Variants in ZIC4 observed in about 807,000 individuals in gnomAD.
ZIC4 encodes Zic family zinc finger 4.
Under a neutral mutation model 28.8 loss-of-function variants are expected in ZIC4, and 15 were observed. The ratio of observed to expected loss-of-function variants is 0.52; its 90% CI spans 0.35 to 0.80. The LOEUF (loss-of-function observed/expected upper bound fraction) is 0.80, where lower values mean the gene tolerates loss of function less well. Ranked by LOEUF, ZIC4 falls within the 30% of genes least tolerant of loss-of-function variation. The pLI, the probability that ZIC4 is intolerant of heterozygous loss-of-function variation, is 0.01. For synonymous variants in ZIC4, 220 were observed against 198.1 expected (o/e 1.11, Z -0.93); for missense variants, 512 against 467.1 (o/e 1.10, Z -0.89).
chr3:147,401,300 GA>G (rs936926542), intron 2 of ZIC4, among the ~76,000 whole-genome samples: 7 of 150,060 alleles, frequency 4.7e-5, no homozygotes, highest in East Asian at 1.9e-4. Flanking sequence ...GCCTTGGAAA[GA>G]AAAAAAAATG....
At chr3:147,404,085 C>T (rs2087223777) in intron 1 of ZIC4, 3 of 1,537,012 alleles carry the variant, frequency 2.0e-6, no homozygotes, top group East Asian at 4.9e-5. Flanking sequence ...TGCATTCCTA[C>T]AGAAGGGCGG....
In ZIC4 at chr3:147,391,027, G is replaced by A. The variant is rs371227174; in HGVS notation, c.908C>T (p.Pro303Leu). The change falls in exon 4 of 5, where the codon CCG becomes CTG. Residue 303 changes from proline (P) to leucine (L), a missense_variant. Pro to Leu is a moderately conservative substitution (Grantham distance 98). Transcript: ENST00000383075. The part of the protein sequence containing the change: ...PPSSGYDSAT[P>L]SALVSPSSDC... ...CGACGAGGGCGACACGAGGGCAGAC[G>A]GTGTAGCCGAATCGTAGCCAGAGCT... 7.5e-5 allele frequency: 121 copies of A among 1,613,784 alleles called. No individual in the cohort carries two copies. The East Asian group carries it at 2.1e-3, about 29-fold the overall frequency.
intron 3 of ZIC4, chr3:147,393,506 C>G: frequency 5.1e-6 from 1 of 195,760 alleles, no homozygotes; most frequent in Non-Finnish European, 1.1e-5. Flanking sequence ...TCGGAGCGTC[C>G]TAGGCCCGGG....
At chr3:147,405,069 C>G (rs1270847743) in intron 1 of ZIC4, among the ~76,000 whole-genome samples, 1 of 152,244 alleles carries the variant, frequency 6.6e-6, no homozygotes, top group Non-Finnish European at 1.5e-5. Context: ...TTCTGGCTCC[C>G]CTCCATTCGA....
rs372506670 is a variant in ZIC4 at position 147,396,198 on chromosome 3, G to A, written c.342C>T (p.Gly114=). Residue 114 remains glycine (G), a synonymous_variant, in exon 3 of 5, where the codon GGC becomes GGT. Coordinates refer to ENST00000383075, the MANE Select transcript of ZIC4 (RefSeq NM_032153.6). This position sits in a 1 kb window ranked among gnomAD's most constrained non-coding sequence, Gnocchi z 4.2. The part of the protein sequence containing the change: ...TVNLAAPHGP[G]AFFRYMRQPI... ...GCTGGCGCATGTAGCGGAAGAAAGCGCCAGGACCGTGGGGCGCAGCGAGGT... is the reference window on the plus strand; with the variant it reads ...GCTGGCGCATGTAGCGGAAGAAAGCACCAGGACCGTGGGGCGCAGCGAGGT... 1 of 1,613,980 alleles carries A rather than the reference G, an allele frequency of 6.2e-7. No homozygotes were observed. The highest frequency in any genetic ancestry group is 1.3e-5 in the African/African-American group (1 of 74,936).
intron 2 of ZIC4, among the ~76,000 whole-genome samples, chr3:147,398,537 C>T (rs930006594): frequency 6.6e-6 from 1 of 152,052 alleles, no homozygotes; most frequent in African/African-American, 2.4e-5. Context: ...TGGGGGCGAG[C>T]GGTAGTCCTT....
intron 4 of ZIC4, 29 bp from the exon 5 acceptor site, chr3:147,388,888 C>T (rs1436990660): frequency 1.8e-5 from 14 of 779,040 alleles, no homozygotes; most frequent in Non-Finnish European, 3.1e-5. Context: ...AAATTAAAGG[C>T]GATTAGTGGC....
At chr3:147,394,630 G>A (rs1216010246) in intron 3 of ZIC4, among the ~76,000 whole-genome samples, 6 of 152,064 alleles carry the variant, frequency 3.9e-5, no homozygotes, top group Admixed American at 3.9e-4. Flanking sequence ...TAAAACCTCT[G>A]GTGAGGGGGT....
Position 147,391,028 on chromosome 3 carries a change from G to C in ZIC4, c.907C>G (p.Pro303Ala), listed in dbSNP as rs752817308. 1.9e-6 allele frequency: 3 copies of C among 1,613,808 alleles called. No individual in the cohort carries two copies. The highest frequency in any genetic ancestry group is 4.5e-5 in the East Asian group (2 of 44,872). Residue 303 changes from proline (P) to alanine (A), a missense_variant, in exon 4 of 5, where the codon CCG (proline) becomes GCG (alanine). Pro to Ala is a conservative substitution (Grantham distance 27). Coordinates refer to ENST00000383075, the MANE Select transcript of ZIC4 (RefSeq NM_032153.6). The stretch of plus-strand genomic sequence containing the variant: ...GACGAGGGCGACACGAGGGCAGACG[G>C]TGTAGCCGAATCGTAGCCAGAGCTG... ...PPSSGYDSATPSALVSPSSDC... is the reference protein window; with the variant it reads ...PPSSGYDSATASALVSPSSDC...
At chr3:147,404,733 G>A (rs749071003) in intron 1 of ZIC4, among the ~76,000 whole-genome samples, 5 of 152,222 alleles carry the variant, frequency 3.3e-5, no homozygotes, top group Non-Finnish European at 5.9e-5. Flanking sequence ...CCGGAGGAGA[G>A]CCAAGAAGGT....
rs1353590637 is a variant in ZIC4, at chr3:147,396,586, GA to G, written c.71-118del. Reference sequence around the variant, plus strand: ...ACTACGGCCTCTGCAGTCAGCCGTGGAACTCAGAGCCAGACAGCGCCAGCAG... The same window carrying G: ...ACTACGGCCTCTGCAGTCAGCCGTGGACTCAGAGCCAGACAGCGCCAGCAG... On this transcript the variant is annotated intron_variant, in intron 2 of 4. Transcript: ENST00000383075. This position sits in a 1 kb window ranked among gnomAD's most constrained non-coding sequence, Gnocchi z 4.2. 3.0e-6 allele frequency: 4 copies of G among 1,318,340 alleles called. No individual in the cohort carries two copies. In the African/African-American group the frequency reaches 5.9e-5, roughly 20 times the overall value. 81.7% of individuals were successfully genotyped at this position (1,318,340 alleles called of 1,614,324 possible). A position where few individuals can be genotyped will look rare whatever the true frequency, so the allele number is the denominator to read the frequency against.
chr3:147,401,163 A>G (rs2087158503), intron 2 of ZIC4, among the ~76,000 whole-genome samples: 2 of 152,128 alleles, frequency 1.3e-5, no homozygotes, highest in South Asian at 4.1e-4. Context: ...ACTTTTGCTC[A>G]CCTACCCAGA....
In ZIC4 at chr3:147,387,313, C is replaced by G. The variant is rs980887334; in HGVS notation, c.*1546G>C. Reference sequence around the variant, plus strand: ...TTTAAAAGAAGTTTGATTTTTATCTCTTTAGAAACGGTTTGAAACTAACGG... The same window carrying G: ...TTTAAAAGAAGTTTGATTTTTATCTGTTTAGAAACGGTTTGAAACTAACGG... On this transcript the variant is annotated 3_prime_UTR_variant, in exon 5 of 5. Transcript: ENST00000383075. The G allele has an allele frequency of 6.6e-6, 1 of 152,578 alleles. No homozygotes were observed. The highest frequency in any genetic ancestry group is 2.4e-5 in the African/African-American group (1 of 41,432). 9.5% of individuals were successfully genotyped at this position (152,578 alleles called of 1,614,324 possible). A position where few individuals can be genotyped will look rare whatever the true frequency, so the allele number is the denominator to read the frequency against.
intron 4 of ZIC4, 143 bp downstream of exon 4, chr3:147,390,788 A>T: frequency 1.8e-6 from 2 of 1,131,930 alleles, no homozygotes; most frequent in Non-Finnish European, 2.4e-6. Context: ...CCTACTCTGC[A>T]TTCGGTGTGT....
In ZIC4 at chr3:147,396,041, C is replaced by A. The variant is rs2087034421; in HGVS notation, c.499G>T (p.Glu167Ter). ...HVTVEHVGGP[E>*]QANHICFWEE... is the part of the protein sequence containing the mutation. Reference sequence around the variant, plus strand: ...CAGAAGCAAATGTGGTTGGCCTGTTCCGGGCCGCCGACGTGCTCCACGGTG... The same window carrying A: ...CAGAAGCAAATGTGGTTGGCCTGTTACGGGCCGCCGACGTGCTCCACGGTG... The change falls in exon 3 of 5, where the codon GAA becomes TAA. Residue 167 changes from glutamate (E) to a stop codon, truncating the protein, a stop_gained. Transcript: ENST00000383075. LOFTEE classifies it high-confidence loss of function. The surrounding 1 kb of genome is among the most constrained non-coding windows in gnomAD (Gnocchi z 4.2). 1.2e-6 allele frequency: 2 copies of A among 1,614,270 alleles called. No individual in the cohort carries two copies. Among genetic ancestry groups the A allele is most frequent in the Non-Finnish European group, 1.7e-6 (2 of 1,180,056 alleles).
In ZIC4 at chr3:147,396,523, C is replaced by T; in HGVS notation, c.71-54G>A. Reference sequence around the variant, plus strand: ...GAACGGGTGGCGTGGGCTGCGCGCTCTTCCCTGGGCCCCGGGGGGCAGGCC... The same window carrying T: ...GAACGGGTGGCGTGGGCTGCGCGCTTTTCCCTGGGCCCCGGGGGGCAGGCC... On this transcript the variant is annotated intron_variant, in intron 2 of 4. Transcript: ENST00000383075. The surrounding 1 kb of genome is among the most constrained non-coding windows in gnomAD (Gnocchi z 4.2). 2 of 1,484,714 alleles carry T rather than the reference C, an allele frequency of 1.3e-6. No individual in the cohort carries two copies. The highest frequency in any genetic ancestry group is 1.8e-6 in the Non-Finnish European group (2 of 1,126,948). 92.0% of individuals were successfully genotyped at this position (1,484,714 alleles called of 1,614,324 possible). A position where few individuals can be genotyped will look rare whatever the true frequency, so the allele number is the denominator to read the frequency against.
Position 147,406,471 on chromosome 3 carries a change from G to C in ZIC4, c.-124C>G, listed in dbSNP as rs1221571738. Reference sequence around the variant, plus strand: ...CTCTCTTTTGTGGTTCCAGCGAGGCGGTCATCCTTCACTTCTCCTTTTCCA... The same window carrying C: ...CTCTCTTTTGTGGTTCCAGCGAGGCCGTCATCCTTCACTTCTCCTTTTCCA... On this transcript the variant is annotated 5_prime_UTR_variant, in exon 1 of 5. Transcript: ENST00000383075. 6.6e-6 allele frequency: 1 copy of C among 152,576 alleles called. No homozygotes were observed. Among genetic ancestry groups the C allele is most frequent in the African/African-American group, 2.4e-5 (1 of 41,438 alleles). The allele number at this position is 152,576 out of a possible 1,614,324, so 9.5% of individuals were successfully genotyped here. A position where few individuals can be genotyped will look rare whatever the true frequency, so the allele number is the denominator to read the frequency against.
rs1266379551 is a variant in ZIC4, at chr3:147,396,229, G to T, written c.311C>A (p.Thr104Lys). 1.9e-6 allele frequency: 3 copies of T among 1,613,876 alleles called. No homozygotes were observed. The highest frequency in any genetic ancestry group is 2.5e-6 in the Non-Finnish European group (3 of 1,179,922). ...ACCGTGGGGCGCAGCGAGGTTCACC[G>T]TCAGGTTCATGCCCCCGTAGCCATG... ...ALHGYGGMNL[T>K]VNLAAPHGPG... The change falls in exon 3 of 5, where the codon ACG becomes AAG. Residue 104 changes from threonine (T) to lysine (K), a missense_variant. Coordinates refer to ENST00000383075, the MANE Select transcript of ZIC4 (RefSeq NM_032153.6). The surrounding 1 kb of genome is among the most constrained non-coding windows in gnomAD (Gnocchi z 4.2).
chr3:147,398,965 T>G (rs1341917513), intron 2 of ZIC4, among the ~76,000 whole-genome samples: 1 of 152,084 alleles, frequency 6.6e-6, no homozygotes, highest in East Asian at 1.9e-4. Context: ...GTTCCTCCCT[T>G]GGGTGCACTT....
Sources: gnomAD v4.1 joint callset for allele counts (sites outside exome capture counted in the v4.1 genomes callset) on GRCh38, gnomAD v4.1.1 for gene constraint, Gnocchi (gnomAD v3.1) non-coding constraint, MANE v1.5 for transcripts, NCBI Gene and HGNC (gene_info 2026-07-23, HGNC 2026-07-21) for gene names.